SMOC2: variants seen among roughly 807,000 people sequenced by gnomAD.
SMOC2 encodes SPARC related modular calcium binding 2.
SMOC2 carries 39 observed loss-of-function variants against 61.4 expected under a neutral mutation model. The ratio of observed to expected loss-of-function variants is 0.64; its 90% CI spans 0.49 to 0.83. SMOC2 has a LOEUF of 0.83. SMOC2 is among the 40% of genes least tolerant of loss of function. The pLI, the probability that SMOC2 is intolerant of heterozygous loss-of-function variation, is 0.00. For synonymous variants in SMOC2, 247 were observed against 239.9 expected (o/e 1.03, Z -0.27); for missense variants, 556 against 592.9 (o/e 0.94, Z 0.65).
intron 12 of SMOC2, chr6:168,664,446 G>A (rs9364271): frequency 0.16 from 64,621 of 404,156 alleles, 6,564 homozygotes; most frequent in East Asian, 0.41. Flanking sequence ...TGTTGCCCAG[G>A]CTAGTTTCGA....
chr6:168,585,929 C>T (rs1055406120), intron 7 of SMOC2, among the ~76,000 whole-genome samples: 4 of 152,168 alleles, frequency 2.6e-5, no homozygotes, highest in African/African-American at 9.7e-5. Context: ...GGGATCTCTT[C>T]TCCCAGTCTG....
At chr6:168,540,183 G>A (rs1297703534) in intron 4 of SMOC2, among the ~76,000 whole-genome samples, 3 of 152,224 alleles carry the variant, frequency 2.0e-5, no homozygotes, top group Non-Finnish European at 2.9e-5. Flanking sequence ...CTGTGGACAC[G>A]TGACAGGTGT....
chr6:168,643,839 C>A (rs1386912747), intron 9 of SMOC2, among the ~76,000 whole-genome samples: 1 of 152,186 alleles, frequency 6.6e-6, no homozygotes, highest in Non-Finnish European at 1.5e-5. Flanking sequence ...CAGGCAGTCA[C>A]GAGGCCACAG....
intron 9 of SMOC2, among the ~76,000 whole-genome samples, chr6:168,613,955 C>T (rs1478582830): frequency 1.6e-5 from 1 of 60,886 alleles, no homozygotes; most frequent in Non-Finnish European, 3.4e-5. Context: ...CTCTTCACAC[C>T]TACAGCCAGC....
intron 9 of SMOC2, among the ~76,000 whole-genome samples, chr6:168,608,542 C>T (rs991383395): frequency 1.3e-5 from 2 of 152,216 alleles, no homozygotes; most frequent in African/African-American, 2.4e-5. Context: ...TCTCTAGATG[C>T]TCCTGAACCC....
intron 1 of SMOC2, among the ~76,000 whole-genome samples, chr6:168,456,067 G>C (rs952108144): frequency 1.3e-5 from 2 of 152,258 alleles, no homozygotes; most frequent in African/African-American, 4.8e-5. Flanking sequence ...GCCCAGGGAG[G>C]GCGGAGTGGG....
chr6:168,628,023 T>G (rs2115243451), intron 9 of SMOC2, among the ~76,000 whole-genome samples: 1 of 152,222 alleles, frequency 6.6e-6, no homozygotes, highest in South Asian at 2.1e-4. Context: ...AACGCCACTC[T>G]TGCCATCCAT....
In SMOC2 at chr6:168,591,564, A is replaced by T. The variant is rs201757880; in HGVS notation, c.638-7254A>T. ...CTAAATGGAAGGCTATTCTTTGGTTAAAAATGTTGTAATGTGGGAGAATAA... is the reference window on the plus strand; with the variant it reads ...CTAAATGGAAGGCTATTCTTTGGTTTAAAATGTTGTAATGTGGGAGAATAA... On this transcript the variant is annotated intron_variant, in intron 7 of 12. Transcript: ENST00000356284. 4.0e-5 allele frequency among the ~76,000 whole-genome samples: 6 copies of T among 151,592 alleles called. No homozygotes were observed. The East Asian group carries it at 1.2e-3, about 29-fold the overall frequency.
intron 9 of SMOC2, among the ~76,000 whole-genome samples, chr6:168,615,681 A>C (rs1445849177): frequency 1.1e-4 from 15 of 139,864 alleles, no homozygotes; most frequent in Admixed American, 2.1e-4. Context: ...TCACACCTAC[A>C]GCCAGCACAG....
intron 1 of SMOC2, among the ~76,000 whole-genome samples, chr6:168,496,022 A>G (rs577303756): frequency 3.3e-5 from 5 of 152,354 alleles, no homozygotes; most frequent in African/African-American, 1.2e-4. Flanking sequence ...GAAGTCCCTC[A>G]AAATCCTCTG....
intron 9 of SMOC2, among the ~76,000 whole-genome samples, chr6:168,630,362 T>C (rs934067546): frequency 3.3e-5 from 5 of 152,228 alleles, no homozygotes; most frequent in Middle Eastern, 3.2e-3. Flanking sequence ...TATGCCTGTC[T>C]TTCCTGCAAT....
chr6:168,519,016 C>CATGTGTGAGT (rs1783246082), intron 2 of SMOC2, among the ~76,000 whole-genome samples: 1 of 103,858 alleles, frequency 9.6e-6, no homozygotes, highest in African/African-American at 2.9e-5. Flanking sequence ...AGTATGCGTG[C>CATGTGTGAGT]ATGCGAACAT....
At chr6:168,606,573 T>G (rs957855702) in intron 8 of SMOC2, among the ~76,000 whole-genome samples, 3 of 152,202 alleles carry the variant, frequency 2.0e-5, no homozygotes, top group African/African-American at 7.2e-5. Flanking sequence ...GAAATTTCAT[T>G]TTATTTTCTA....
intron 7 of SMOC2, among the ~76,000 whole-genome samples, chr6:168,567,711 C>T (rs1021707126): frequency 2.6e-5 from 4 of 152,130 alleles, no homozygotes; most frequent in East Asian, 1.9e-4. Context: ...GGACTTGATT[C>T]GGTCCAGAAA....
At chr6:168,527,205 G>A (rs1241311929) in intron 3 of SMOC2, among the ~76,000 whole-genome samples, 1 of 152,130 alleles carries the variant, frequency 6.6e-6, no homozygotes, top group Admixed American at 6.5e-5. Flanking sequence ...GGCTGTTCTG[G>A]CCCTGGTTGC....
intron 5 of SMOC2, among the ~76,000 whole-genome samples, chr6:168,546,505 C>T (rs1784004809): frequency 6.6e-6 from 1 of 152,098 alleles, no homozygotes; most frequent in South Asian, 2.1e-4. Context: ...CCTGTGACAC[C>T]CCAGTCCGCC....
intron 7 of SMOC2, among the ~76,000 whole-genome samples, chr6:168,571,407 C>A (rs1784663201): frequency 6.6e-6 from 1 of 152,162 alleles, no homozygotes; most frequent in Non-Finnish European, 1.5e-5. Context: ...ACATAACCAT[C>A]TCAGGTTATT....
At chr6:168,576,552 C>T (rs571246466) in intron 7 of SMOC2, among the ~76,000 whole-genome samples, 10 of 152,068 alleles carry the variant, frequency 6.6e-5, no homozygotes, top group Admixed American at 2.6e-4. Context: ...TCCCTTCAGA[C>T]CTCGCTCTGA....
At chr6:168,567,983 A>G (rs1384891520) in intron 7 of SMOC2, among the ~76,000 whole-genome samples, 2 of 150,896 alleles carry the variant, frequency 1.3e-5, no homozygotes, top group Non-Finnish European at 2.9e-5. Flanking sequence ...ACAGGCGAAG[A>G]CCGGATGGTG....
Sources: allele counts gnomAD v4.1 joint callset (sites outside exome capture counted in the v4.1 genomes callset), GRCh38; gene constraint gnomAD v4.1.1; transcripts MANE v1.5; gene names NCBI Gene and HGNC (gene_info 2026-07-23, HGNC 2026-07-21).